Variants in PTPRG observed in about 807,000 individuals in gnomAD.
PTPRG encodes the protein protein tyrosine phosphatase receptor type G.
PTPRG carries 102 observed loss-of-function variants against 165.3 expected under a neutral mutation model. The ratio of observed to expected loss-of-function variants is 0.62; its 90% CI spans 0.53 to 0.73. The LOEUF is 0.73. PTPRG is among the 30% of genes least tolerant of loss of function. PTPRG has a pLI of 0.00. For missense variants in PTPRG, 1,866 were observed against 1,861.4 expected, an observed-to-expected ratio of 1.00 and a Z score of -0.05; for synonymous variants, 675 against 669.5, an observed-to-expected ratio of 1.01 and a Z score of -0.13.
chr3:61,800,944 C>T (rs549400765), intron 2 of PTPRG, among the ~76,000 whole-genome samples: 1 of 152,244 alleles, frequency 6.6e-6, no homozygotes, highest in African/African-American at 2.4e-5. Context: ...CATGTCCGGC[C>T]AGAACTCTGC....
intron 1 of PTPRG, among the ~76,000 whole-genome samples, chr3:61,738,887 G>A (rs1366464260): frequency 2.7e-5 from 4 of 150,264 alleles, no homozygotes; most frequent in African/African-American, 7.3e-5. Flanking sequence ...TGATCCTCCC[G>A]TCTCAGCCTC....
chr3:61,748,069 T>G (rs189802406), intron 1 of PTPRG, among the ~76,000 whole-genome samples: 1 of 152,228 alleles, frequency 6.6e-6, no homozygotes, highest in Admixed American at 6.5e-5. Context: ...TTGCTGTTGC[T>G]TGGTGGATTG....
intron 4 of PTPRG, among the ~76,000 whole-genome samples, chr3:62,018,525 C>A (rs115491792): frequency 8.5e-5 from 13 of 152,136 alleles, no homozygotes; most frequent in Admixed American, 8.5e-4. Context: ...CTAAATGATT[C>A]GAAGTCTCCA....
intron 1 of PTPRG, among the ~76,000 whole-genome samples, chr3:61,738,791 T>C (rs2032862754): frequency 6.6e-6 from 1 of 152,000 alleles, no homozygotes; most frequent in African/African-American, 2.4e-5. Flanking sequence ...TATTTTATTT[T>C]TGAGACAAGG....
chr3:61,934,189 A>G (rs1426624722), intron 2 of PTPRG, among the ~76,000 whole-genome samples: 2 of 152,190 alleles, frequency 1.3e-5, no homozygotes, highest in Non-Finnish European at 2.9e-5. Flanking sequence ...TAAGTTTTAT[A>G]TATGCATATA....
intron 1 of PTPRG, among the ~76,000 whole-genome samples, chr3:61,620,266 A>G (rs1701413401): frequency 6.6e-6 from 1 of 152,180 alleles, no homozygotes; most frequent in African/African-American, 2.4e-5. Context: ...GCACATGCGT[A>G]GGGAATTGAA....
chr3:61,671,311 G>A (rs1221100989), intron 1 of PTPRG, among the ~76,000 whole-genome samples: 2 of 151,690 alleles, frequency 1.3e-5, no homozygotes, highest in African/African-American at 4.9e-5. Context: ...TGTGTCCCTG[G>A]GTACTTGAGA....
intron 28 of PTPRG, among the ~76,000 whole-genome samples, chr3:62,284,149 T>G (rs1329989112): frequency 6.6e-6 from 1 of 152,110 alleles, no homozygotes; most frequent in Admixed American, 6.6e-5. Context: ...ATGACTGATT[T>G]TGCTGTTACG....
chr3:62,100,451 T>C (rs1702251318), intron 5 of PTPRG, among the ~76,000 whole-genome samples: 1 of 152,148 alleles, frequency 6.6e-6, no homozygotes, highest in Admixed American at 6.5e-5. Context: ...CCCTACGCTG[T>C]CATTTTATGT....
intron 7 of PTPRG, among the ~76,000 whole-genome samples, chr3:62,167,529 G>A (rs905533470): frequency 3.3e-5 from 5 of 152,172 alleles, no homozygotes; most frequent in Non-Finnish European, 5.9e-5. Flanking sequence ...GGTGGCTCAG[G>A]TTAAGCAGCT....
At chr3:62,235,594 G>T (rs978117966) in intron 14 of PTPRG, among the ~76,000 whole-genome samples, 1 of 152,164 alleles carries the variant, frequency 6.6e-6, no homozygotes, top group Non-Finnish European at 1.5e-5. Flanking sequence ...GACCACTTTT[G>T]TGCCTATAAT....
intron 2 of PTPRG, among the ~76,000 whole-genome samples, chr3:61,779,463 A>G (rs896998062): frequency 1.2e-4 from 18 of 152,164 alleles, no homozygotes; most frequent in Non-Finnish European, 1.5e-5. Flanking sequence ...ACTGTACATC[A>G]CAGATGACTT....
At chr3:62,165,286 A>G (rs949261366) in intron 7 of PTPRG, among the ~76,000 whole-genome samples, 3 of 152,150 alleles carry the variant, frequency 2.0e-5, no homozygotes, top group African/African-American at 7.2e-5. Context: ...GGTCTTTGTT[A>G]ATACTTCTCA....
chr3:61,828,352 CAT>C (rs1353899270), intron 2 of PTPRG, among the ~76,000 whole-genome samples: 1 of 152,218 alleles, frequency 6.6e-6, no homozygotes, highest in African/African-American at 2.4e-5. Flanking sequence ...TACAGCGACA[CAT>C]GTGTTGCACA....
chr3:61,841,407 CT>C (rs1285372958), intron 2 of PTPRG, among the ~76,000 whole-genome samples: 2 of 152,064 alleles, frequency 1.3e-5, no homozygotes, highest in Admixed American at 6.5e-5. Context: ...TTTCTTGTTT[CT>C]TTTAAAAGAA....
At chr3:62,186,800 C>T (rs889479395) in intron 8 of PTPRG, among the ~76,000 whole-genome samples, 2 of 151,994 alleles carry the variant, frequency 1.3e-5, no homozygotes, top group Non-Finnish European at 2.9e-5. Context: ...CTCCTGGCCT[C>T]GAGCGATCCA....
chr3:61,985,646 G>A (rs1212096128), intron 2 of PTPRG, among the ~76,000 whole-genome samples: 1 of 152,174 alleles, frequency 6.6e-6, no homozygotes, highest in Admixed American at 6.5e-5. Flanking sequence ...CCCTGTCTAG[G>A]ACTGAGCAAG....
intron 2 of PTPRG, among the ~76,000 whole-genome samples, chr3:61,975,664 CTTTTTTT>C (rs3069594): frequency 6.7e-6 from 1 of 149,436 alleles, no homozygotes. Context: ...CTGAAGAATA[CTTTTTTT>C]TTTTTATGGT....
At position 61,860,434 on chromosome 3, in the gene PTPRG, CTTTTT is replaced by C. The variant is rs766688465; in HGVS notation, c.190+111472_190+111476del. Among the ~76,000 whole-genome samples the C allele has an allele frequency of 1.0e-4, 10 of 95,552 alleles. 1 individual carries two copies. In the South Asian group the frequency reaches 2.3e-3, roughly 22 times the overall value. 62.7% of individuals were successfully genotyped at this position (95,552 alleles called of 152,430 possible). On this transcript the variant is annotated intron_variant, in intron 2 of 29. Transcript: ENST00000474889. Reference sequence around the variant, plus strand: ...GCTGTGCTTTTTTTTGTTTTTGTTCCTTTTTTTTTTTTTTTTTTTTTTTTGAGACG... The same window carrying C: ...GCTGTGCTTTTTTTTGTTTTTGTTCCTTTTTTTTTTTTTTTTTTTGAGACG...
Sources: allele counts gnomAD v4.1 joint callset (sites outside exome capture counted in the v4.1 genomes callset), GRCh38; gene constraint gnomAD v4.1.1; transcripts MANE v1.5; gene names NCBI Gene and HGNC (gene_info 2026-07-23, HGNC 2026-07-21).